SCUBE3: variants seen among roughly 807,000 people sequenced by gnomAD.
SCUBE3 encodes the protein signal peptide, CUB and EGF-like domain-containing protein 3.
A neutral mutation model predicts 116.8 loss-of-function variants in SCUBE3; 33 were observed. The ratio of observed to expected loss-of-function variants is 0.28; its 90% CI spans 0.21 to 0.38. SCUBE3 has a LOEUF of 0.38. Ranked by LOEUF, SCUBE3 falls within the 10% of genes least tolerant of loss-of-function variation. The pLI, the probability that SCUBE3 is intolerant of heterozygous loss-of-function variation, is 1.00. For missense variants in SCUBE3, 1,007 were observed against 1,324.8 expected (o/e 0.76, Z 3.72); for synonymous variants, 418 against 496.9 (o/e 0.84, Z 2.11).
chr6:35,241,502 A>C lies in SCUBE3; in HGVS notation c.1196-41A>C. On this transcript the variant is annotated intron_variant, in intron 10 of 21. Transcript: ENST00000274938. This position sits in a 1 kb window ranked among gnomAD's most constrained non-coding sequence, Gnocchi z 4.1. ...CCTCCAAATTACCCAACTGAGGGAA[A>C]GGAATGCATTCATTTGCTCAGGCCT... is the stretch of plus-strand genomic sequence containing the variant. 7.1e-7 allele frequency: 1 copy of C among 1,400,682 alleles called. No individual in the cohort carries two copies. Among genetic ancestry groups the C allele is most frequent in the Non-Finnish European group, 1.0e-6 (1 of 985,664 alleles). 86.8% of individuals were successfully genotyped at this position (1,400,682 alleles called of 1,614,324 possible).
intron 1 of SCUBE3, chr6:35,221,085 T>TTTGGATGTTACTTAGAGGTGAGAA (rs1368667743): frequency 4.6e-5 from 7 of 152,106 alleles, no homozygotes; most frequent in African/African-American, 1.7e-4. Context: ...CTGGTTTTAT[T>TTTGGATGTTACTTAGAGGTGAGAA]TTGGATGTTA....
intron 1 of SCUBE3, among the ~76,000 whole-genome samples, chr6:35,218,494 G>A (rs1783009287): frequency 6.6e-6 from 1 of 152,034 alleles, no homozygotes; most frequent in African/African-American, 2.4e-5. Context: ...TCAGGGTGTG[G>A]GCCTCCTTTG....
Position 35,241,521 on chromosome 6 carries a change from C to A in SCUBE3, c.1196-22C>A. ...AGGGAAAGGAATGCATTCATTTGCTCAGGCCTCTCTCCCCTTCCTAGAGCC... is the reference window on the plus strand; with the variant it reads ...AGGGAAAGGAATGCATTCATTTGCTAAGGCCTCTCTCCCCTTCCTAGAGCC... On this transcript the variant is annotated intron_variant, in intron 10 of 21. Transcript: ENST00000274938. This position sits in a 1 kb window ranked among gnomAD's most constrained non-coding sequence, Gnocchi z 4.1. The A allele has an allele frequency of 6.5e-7, 1 of 1,539,444 alleles. No homozygotes were observed. The highest frequency in any genetic ancestry group is 2.2e-5 in the East Asian group (1 of 44,488).
Position 35,245,428 on chromosome 6 carries a change from G to A in SCUBE3, c.2599+3G>A. ...CGTCCTCGTCATGAGAAAGAACTGT[G>A]GGTGGCTTGCAGAGCTGGGCCAGGG... On this transcript the variant is annotated splice_donor_region_variant and intron_variant, in intron 19 of 21. Transcript: ENST00000274938. The surrounding 1 kb of genome is among the most constrained non-coding windows in gnomAD (Gnocchi z 4.2). 2.5e-6 allele frequency: 4 copies of A among 1,613,674 alleles called. No individual in the cohort carries two copies. Among genetic ancestry groups the A allele is most frequent in the Non-Finnish European group, 3.4e-6 (4 of 1,179,578 alleles).
chr6:35,246,319 T>C (rs1784335764), intron 21 of SCUBE3, 34 bp downstream of exon 21: 2 of 1,454,000 alleles, frequency 1.4e-6, no homozygotes, highest in South Asian at 2.3e-5. Flanking sequence ...ATAGCTAACA[T>C]TTAATAAGCA....
intron 1 of SCUBE3, among the ~76,000 whole-genome samples, chr6:35,217,222 C>CGGGGGGGGGGGGGGGGG (rs1260285538): frequency 9.4e-4 from 1 of 1,068 alleles, no homozygotes; most frequent in African/African-American, 2.6e-3. Flanking sequence ...GGGTGTTTGG[C>CGGGGGGGGGGGGGGGGG]GGGGGGGGGG....
At position 35,232,993 on chromosome 6, in the gene SCUBE3, G is replaced by A. The variant is rs775382755; in HGVS notation, c.595+18G>A. Reference sequence around the variant, plus strand: ...CTGTAAATGTGAGATAATTGGGATGGCAGGTGGGGCAGTGGGGTCGGGGGT... The same window carrying A: ...CTGTAAATGTGAGATAATTGGGATGACAGGTGGGGCAGTGGGGTCGGGGGT... On this transcript the variant is annotated intron_variant, in intron 5 of 21. Transcript: ENST00000274938. This position sits in a 1 kb window ranked among gnomAD's most constrained non-coding sequence, Gnocchi z 4.2. The A allele has an allele frequency of 2.5e-6, 4 of 1,613,546 alleles. No homozygotes were observed. In the Admixed American group the frequency reaches 5.0e-5, roughly 20 times the overall value.
In SCUBE3 at chr6:35,245,054, T is replaced by C. The variant is rs1784274072; in HGVS notation, c.2402-174T>C. Among the ~76,000 whole-genome samples the C allele has an allele frequency of 6.6e-6, 1 of 152,042 alleles. No individual in the cohort carries two copies. The highest frequency in any genetic ancestry group is 6.5e-5 in the Admixed American group (1 of 15,268). Reference sequence around the variant, plus strand: ...AGACAGGTGAAGTGAGAAGAGAAGGTACTAAAAGGGCAGGAAGGAAGATGG... The same window carrying C: ...AGACAGGTGAAGTGAGAAGAGAAGGCACTAAAAGGGCAGGAAGGAAGATGG... On this transcript the variant is annotated intron_variant, in intron 18 of 21. Coordinates refer to ENST00000274938, the MANE Select transcript of SCUBE3 (RefSeq NM_152753.4). This position sits in a 1 kb window ranked among gnomAD's most constrained non-coding sequence, Gnocchi z 4.2.
In SCUBE3 at chr6:35,243,802, G is replaced by A. The variant is rs1358792129; in HGVS notation, c.2071+47G>A. ...CAGAGTGGGGTAGGGTGGGCACTGG[G>A]ATGCCCATGGGCATGGGATTTCCCA... On this transcript the variant is annotated intron_variant, in intron 16 of 21. Coordinates refer to ENST00000274938, the MANE Select transcript of SCUBE3 (RefSeq NM_152753.4). The surrounding 1 kb of genome is among the most constrained non-coding windows in gnomAD (Gnocchi z 6.6). 1 of 1,579,070 alleles carries A rather than the reference G, an allele frequency of 6.3e-7. No individual in the cohort carries two copies. The highest frequency in any genetic ancestry group is 8.7e-7 in the Non-Finnish European group (1 of 1,151,160).
chr6:35,246,124 G>T, intron 20 of SCUBE3, 28 bp downstream of exon 20: 1 of 1,613,696 alleles, frequency 6.2e-7, no homozygotes, highest in Non-Finnish European at 8.5e-7. Flanking sequence ...GTGAGAAGGG[G>T]AGGTATGTCA....
At position 35,233,260 on chromosome 6, in the gene SCUBE3, A is replaced by G. The variant is rs772728832; in HGVS notation, c.671A>G (p.His224Arg). 1.9e-6 allele frequency: 3 copies of G among 1,613,720 alleles called. No individual in the cohort carries two copies. The highest frequency in any genetic ancestry group is 2.5e-6 in the Non-Finnish European group (3 of 1,179,798). The change falls in exon 6 of 22, where the codon CAT (histidine) becomes CGT (arginine). Residue 224 changes from histidine (H) to arginine (R), a missense_variant. Transcript: ENST00000274938. This position sits in a 1 kb window ranked among gnomAD's most constrained non-coding sequence, Gnocchi z 5.7. ...GAGCAGGGTCCCCGGTGCGGCTGCC[A>G]TATCAAGTTTGTGCTCCATACCGAC... ...DTEQGPRCGC[H>R]IKFVLHTDGK...
At position 35,237,921 on chromosome 6, in the gene SCUBE3, C is replaced by T. The variant is rs748236797; in HGVS notation, c.732C>T (p.Asn244=). 3.0e-5 allele frequency: 48 copies of T among 1,611,076 alleles called. No individual in the cohort carries two copies. The highest frequency in any genetic ancestry group is 3.6e-5 in the Non-Finnish European group (42 of 1,177,480). ...KTCIETCAVN[N]GGCDSKCHDA... ...AAACAGAGACCTGTGCTGTCAACAA[C>T]GGGGGCTGTGACAGTAAGTGCCATG... The change falls in exon 7 of 22, where the codon AAC becomes AAT. Residue 244 remains asparagine, a synonymous_variant. Coordinates refer to ENST00000274938, the MANE Select transcript of SCUBE3 (RefSeq NM_152753.4).
At chr6:35,215,897 C>A (rs1376408252) in intron 1 of SCUBE3, among the ~76,000 whole-genome samples, 6 of 152,352 alleles carry the variant, frequency 3.9e-5, no homozygotes, top group African/African-American at 1.4e-4. Flanking sequence ...TCGCCACTGC[C>A]ACCCCCAACC....
chr6:35,243,082 G>C lies in SCUBE3; in HGVS notation c.1755G>C (p.Lys585Asn), dbSNP rs774692845. The C allele has an allele frequency of 1.9e-6, 3 of 1,614,084 alleles. No individual in the cohort carries two copies. ...RMERRLKGSL[K>N]MLRKSINQDR... is the part of the protein sequence containing the mutation. ...AACGGCGGCTGAAAGGATCCCTGAA[G>C]ATGCTCAGAAAGTCCATCAACCAGG... The change falls in exon 15 of 22, where the codon AAG becomes AAC. Residue 585 changes from lysine to asparagine, a missense_variant. Lys to Asn is a moderately conservative substitution (Grantham distance 94). Coordinates refer to ENST00000274938, the MANE Select transcript of SCUBE3 (RefSeq NM_152753.4). This position sits in a 1 kb window ranked among gnomAD's most constrained non-coding sequence, Gnocchi z 6.6.
rs1346642159 is a variant in SCUBE3 at position 35,245,925 on chromosome 6, C to T, written c.2600-19C>T. On this transcript the variant is annotated intron_variant, in intron 19 of 21. Transcript: ENST00000274938. This position sits in a 1 kb window ranked among gnomAD's most constrained non-coding sequence, Gnocchi z 4.2. ...TAGCCTGCCCTGCTGCTCTACTGAC[C>T]TGCTGCTTGCCTTCCCAGCATCCCC... is the stretch of plus-strand genomic sequence containing the variant. 13 of 1,613,188 alleles carry T rather than the reference C, an allele frequency of 8.1e-6. No homozygotes were observed. The highest frequency in any genetic ancestry group is 1.1e-5 in the Non-Finnish European group (13 of 1,179,438).
intron 12 of SCUBE3, 90 bp from the exon 13 acceptor site, chr6:35,242,114 G>A: frequency 7.0e-6 from 7 of 993,036 alleles, no homozygotes; most frequent in Non-Finnish European, 1.1e-5. Context: ...CCAAGCCCCT[G>A]GCTTATTACC....
rs958157366 is a variant in SCUBE3, at chr6:35,241,051, C to G, written c.1070-90C>G. On this transcript the variant is annotated intron_variant, in intron 9 of 21. Coordinates refer to ENST00000274938, the MANE Select transcript of SCUBE3 (RefSeq NM_152753.4). The surrounding 1 kb of genome is among the most constrained non-coding windows in gnomAD (Gnocchi z 4.1). ...CTTGCGTAATGCAGGGTACCTGAAA[C>G]TCTAACCAAAGGCCCTCACTCACTG... 3 of 1,313,800 alleles carry G rather than the reference C, an allele frequency of 2.3e-6. No homozygotes were observed. The highest frequency in any genetic ancestry group is 2.9e-5 in the African/African-American group (2 of 68,570). The allele number at this position is 1,313,800 out of a possible 1,614,324, so 81.4% of individuals were successfully genotyped here.
In SCUBE3 at chr6:35,233,034, G is replaced by C; in HGVS notation, c.595+59G>C. ...GGTCGGGGGTGAAAACATAGAGGAA[G>C]GGTATAGGGCTTCAGGAGCAAGAGG... On this transcript the variant is annotated intron_variant, in intron 5 of 21. Transcript: ENST00000274938. The surrounding 1 kb of genome is among the most constrained non-coding windows in gnomAD (Gnocchi z 5.7). 1.3e-6 allele frequency: 2 copies of C among 1,598,268 alleles called. No individual in the cohort carries two copies. The highest frequency in any genetic ancestry group is 1.7e-6 in the Non-Finnish European group (2 of 1,167,676).
In SCUBE3 at chr6:35,241,723, C is replaced by A; in HGVS notation, c.1312+64C>A. On this transcript the variant is annotated intron_variant, in intron 11 of 21. Coordinates refer to ENST00000274938, the MANE Select transcript of SCUBE3 (RefSeq NM_152753.4). The surrounding 1 kb of genome is among the most constrained non-coding windows in gnomAD (Gnocchi z 4.1). ...AAAGAGGAAGGACTGGCCGTTCAGG[C>A]AGCTCCTTCATTCCCCCTGGATTCC... 6.7e-7 allele frequency: 1 copy of A among 1,495,900 alleles called. No homozygotes were observed. The highest frequency in any genetic ancestry group is 9.3e-7 in the Non-Finnish European group (1 of 1,072,200). The allele number at this position is 1,495,900 out of a possible 1,614,324, so 92.7% of individuals were successfully genotyped here.
Sources: allele counts gnomAD v4.1 joint callset (sites outside exome capture counted in the v4.1 genomes callset), GRCh38; gene constraint gnomAD v4.1.1; non-coding constraint Gnocchi (gnomAD v3.1); transcripts MANE v1.5; gene names NCBI Gene and HGNC (gene_info 2026-07-23, HGNC 2026-07-21).